The following CEP162 variants were observed in gnomAD, a reference collection of about 807,000 sequenced individuals.
CEP162 encodes centrosomal protein 162.
In CEP162, 141 loss-of-function variants were observed where a neutral mutation model predicts 169.2. The ratio of observed to expected loss-of-function variants is 0.83; its 90% confidence interval spans 0.73 to 0.96. The LOEUF is 0.96. Among genes scored for constraint, CEP162 ranks in the 40% least tolerant of loss-of-function variants. CEP162 has a pLI of 0.00. For missense variants in CEP162, 1,600 were observed against 1,587.2 expected (o/e 1.01, Z -0.14); for synonymous variants, 540 against 526.4 (o/e 1.03, Z -0.35).
At chr6:84,147,104 C>A (rs2099519213) in intron 24 of CEP162, among the ~76,000 whole-genome samples, 1 of 152,022 alleles carries the variant, frequency 6.6e-6, no homozygotes, top group Admixed American at 6.6e-5. Flanking sequence ...AAGTTCCCAT[C>A]AACAGACGAA....
In CEP162 at chr6:84,215,508, T is replaced by C. The variant is rs374357069; in HGVS notation, c.320-43A>G. 39 of 1,395,912 alleles carry C rather than the reference T, an allele frequency of 2.8e-5. No individual in the cohort carries two copies. In the East Asian group the frequency reaches 9.5e-4, roughly 34 times the overall value. 86.5% of individuals were successfully genotyped at this position (1,395,912 alleles called of 1,614,324 possible). ...ATATATTTTAGTAATATACAGAATT[T>C]TGAAAACATTGATTTGAATGATGCA... On this transcript the variant is annotated intron_variant, in intron 4 of 26. Coordinates refer to ENST00000403245, the MANE Select transcript of CEP162 (RefSeq NM_014895.4).
At chr6:84,139,428 A>C (rs1473656760) in intron 25 of CEP162, among the ~76,000 whole-genome samples, 1 of 152,224 alleles carries the variant, frequency 6.6e-6, no homozygotes, top group Non-Finnish European at 1.5e-5. Context: ...TGCACACATT[A>C]ATAAATTTGT....
intron 12 of CEP162, among the ~76,000 whole-genome samples, chr6:84,185,894 C>T (rs9362032): frequency 1.3e-5 from 2 of 152,002 alleles, no homozygotes; most frequent in African/African-American, 2.4e-5. Flanking sequence ...ATCATGGGAA[C>T]TATAAAGCAG....
At chr6:84,201,593 CATT>C in intron 8 of CEP162, 141 bp downstream of exon 8, 1 of 568,236 alleles carries the variant, frequency 1.8e-6, no homozygotes, top group Non-Finnish European at 3.2e-6. Flanking sequence ...GATAGAAACA[CATT>C]ATTGAGAAAA....
chr6:84,215,990 CAAT>C lies in CEP162; in HGVS notation c.173-71_173-69del, dbSNP rs1395043087. The C allele has an allele frequency of 7.8e-5, 112 of 1,440,022 alleles. No homozygotes were observed. The East Asian group carries it at 2.8e-3, about 36-fold the overall frequency. The allele number at this position is 1,440,022 out of a possible 1,614,324, so 89.2% of individuals were successfully genotyped here. On this transcript the variant is annotated intron_variant, in intron 3 of 26. Transcript: ENST00000403245. ...AATTGTTTTGGCCACTATGACAACA[CAAT>C]AATAATGTTATGCTAATTTTGTGCA...
chr6:84,226,304 T>G (rs1426436711), intron 2 of CEP162, 33 bp downstream of exon 2: 3 of 1,393,328 alleles, frequency 2.2e-6, no homozygotes, highest in Non-Finnish European at 3.0e-6. Context: ...TGAGACAAAT[T>G]TGACAATATA....
intron 25 of CEP162, among the ~76,000 whole-genome samples, chr6:84,135,782 G>C (rs1028490197): frequency 1.3e-5 from 2 of 152,162 alleles, no homozygotes; most frequent in African/African-American, 4.8e-5. Flanking sequence ...AGAATCACTT[G>C]AATGAGGGAG....
rs71736099 is a variant in CEP162, at chr6:84,156,743, GACACACACACAC to G, written c.2782-1245_2782-1234del. 5.6e-5 allele frequency among the ~76,000 whole-genome samples: 7 copies of G among 125,652 alleles called. No individual in the cohort carries two copies. The East Asian group carries it at 6.2e-4, about 11-fold the overall frequency. The allele number at this position is 125,652 out of a possible 152,430, so 82.4% of individuals were successfully genotyped here. On this transcript the variant is annotated intron_variant, in intron 21 of 26. Coordinates refer to ENST00000403245, the MANE Select transcript of CEP162 (RefSeq NM_014895.4). ...AAAGGAAAATAAATCGTATCAAAAA[GACACACACACAC>G]ACACACACACACACACAAACACACT...
intron 13 of CEP162, among the ~76,000 whole-genome samples, chr6:84,177,819 G>A (rs762620752): frequency 1.5e-4 from 23 of 152,150 alleles, no homozygotes; most frequent in Non-Finnish European, 2.8e-4. Flanking sequence ...TTACAGGTGT[G>A]AGTCACTGTG....
In CEP162 at chr6:84,185,383, C is replaced by G. The variant is rs371425041; in HGVS notation, c.1467G>C (p.Lys489Asn). The change falls in exon 13 of 27, where the codon AAG becomes AAC. Residue 489 changes from lysine (K) to asparagine (N), a missense_variant. By Grantham distance (94) the Lys-to-Asn change is moderately conservative. Transcript: ENST00000403245. Reference protein sequence around the residue: ...GAVMGKQVPYKKARSAPPLLK... With the variant: ...GAVMGKQVPYNKARSAPPLLK... ...GTAAAGGAGGTGCACTTCTGGCCTT[C>G]TTGTATGGTACCTGTTTACCCATTA... 1 of 1,613,586 alleles carries G rather than the reference C, an allele frequency of 6.2e-7. No individual in the cohort carries two copies. Among genetic ancestry groups the G allele is most frequent in the African/African-American group, 1.3e-5 (1 of 75,010 alleles).
chr6:84,168,097 C>T (rs6905922), intron 18 of CEP162, among the ~76,000 whole-genome samples: 36,262 of 152,004 alleles, frequency 0.24, 9,831 homozygotes, highest in African/African-American at 0.67. Context: ...AAATTTTCTG[C>T]CATTAAAATA....
At chr6:84,212,653 G>C (rs947368516) in intron 6 of CEP162, among the ~76,000 whole-genome samples, 1 of 151,924 alleles carries the variant, frequency 6.6e-6, no homozygotes, top group Non-Finnish European at 1.5e-5. Flanking sequence ...TGGCAAAACC[G>C]TAAACAACTA....
chr6:84,163,938 T>G (rs2099526745), intron 18 of CEP162, among the ~76,000 whole-genome samples: 1 of 151,322 alleles, frequency 6.6e-6, no homozygotes, highest in East Asian at 1.9e-4. Flanking sequence ...TGGGAGGAAA[T>G]TTTTGCAATT....
chr6:84,131,438 C>G (rs1211363060), intron 25 of CEP162, among the ~76,000 whole-genome samples: 1 of 152,100 alleles, frequency 6.6e-6, no homozygotes, highest in Admixed American at 6.5e-5. Flanking sequence ...CTAATGTTGA[C>G]AGTGGGGTGT....
intron 25 of CEP162, among the ~76,000 whole-genome samples, chr6:84,127,530 T>C (rs2099509442): frequency 6.6e-6 from 1 of 152,068 alleles, no homozygotes; most frequent in Non-Finnish European, 1.5e-5. Flanking sequence ...GTGATGAGTG[T>C]TGGTTGGGCA....
chr6:84,182,076 A>G (rs1385546413), intron 13 of CEP162, among the ~76,000 whole-genome samples: 2 of 152,040 alleles, frequency 1.3e-5, no homozygotes, highest in African/African-American at 4.8e-5. Flanking sequence ...CTAATATCCT[A>G]TTTTAAAAGA....
chr6:84,186,481 T>C lies in CEP162; in HGVS notation c.1252A>G (p.Thr418Ala), dbSNP rs2099537181. Residue 418 changes from threonine (T) to alanine (A), a missense_variant, in exon 12 of 27, where the codon ACC (threonine) becomes GCC (alanine). By Grantham distance (58) the Thr-to-Ala change is moderately conservative. Transcript: ENST00000403245. ...KNDENVILQK[T>A]TNESMENSCP... ...CTGTTTTCCATACTCTCATTTGTGG[T>C]CTTTTGTAAAATCACATTCTCATCA... 2.5e-6 allele frequency: 4 copies of C among 1,613,392 alleles called. No individual in the cohort carries two copies. The African/African-American group carries it at 5.3e-5, about 22-fold the overall frequency.
At chr6:84,215,650 A>G in intron 4 of CEP162, 126 bp downstream of exon 4, 2 of 1,303,558 alleles carry the variant, frequency 1.5e-6, no homozygotes, top group South Asian at 3.1e-5. Context: ...ATAATTCTAA[A>G]CCTCTAGGAA....
intron 18 of CEP162, among the ~76,000 whole-genome samples, chr6:84,168,832 TTA>T (rs1336637406): frequency 2.0e-5 from 3 of 152,192 alleles, no homozygotes; most frequent in Non-Finnish European, 4.4e-5. Context: ...CATTTCAACT[TTA>T]TGTTAGGTAT....
Sources: gnomAD v4.1 joint callset for allele counts (sites outside exome capture counted in the v4.1 genomes callset) on GRCh38, gnomAD v4.1.1 for gene constraint, MANE v1.5 for transcripts, NCBI Gene and HGNC (gene_info 2026-07-23, HGNC 2026-07-21) for gene names.